The following SVOPL variants were observed in gnomAD, a reference collection of about 807,000 sequenced individuals.
SVOPL encodes SVOP like.
A neutral mutation model predicts 61.0 loss-of-function variants in SVOPL; 60 were observed. The ratio of observed to expected loss-of-function variants is 0.98; its 90% CI spans 0.80 to 1.22. The LOEUF is 1.22. Ranked by LOEUF, SVOPL falls within the 50% of genes most tolerant of loss-of-function variation. The pLI, the probability that SVOPL is intolerant of heterozygous loss-of-function variation, is 0.00. For missense variants in SVOPL, 662 were observed against 643.9 expected (o/e 1.03, Z -0.30); for synonymous variants, 279 against 250.0 (o/e 1.12, Z -1.09).
chr7:138,620,098 TTTC>T (rs1297560692), intron 14 of SVOPL, among the ~76,000 whole-genome samples: 1 of 150,230 alleles, frequency 6.7e-6, no homozygotes, highest in Non-Finnish European at 1.5e-5. Context: ...CTGTTTTTTT[TTTC>T]TTTTTTGTTT....
In SVOPL at chr7:138,609,489, C is replaced by CAAAA. The variant is rs35516590; in HGVS notation, c.1353+11553_1353+11556dup. On this transcript the variant is annotated intron_variant, in intron 14 of 15. Transcript: ENST00000674285. ...GCAACATGGCAAGACACCACCTCTA[C>CAAAA]AAAAAAAAAAAAAAAAAAAAATAGC... Among the ~76,000 whole-genome samples the CAAAA allele has an allele frequency of 3.2e-3, 156 of 48,286 alleles. 2 individuals are homozygous for CAAAA. The highest frequency in any genetic ancestry group is 0.011 in the African/African-American group (143 of 12,526). 31.7% of individuals were successfully genotyped at this position (48,286 alleles called of 152,430 possible). A position where few individuals can be genotyped will look rare whatever the true frequency, so the allele number is the denominator to read the frequency against.
intron 14 of SVOPL, among the ~76,000 whole-genome samples, chr7:138,608,750 T>C (rs1798866717): frequency 6.6e-6 from 1 of 152,102 alleles, no homozygotes; most frequent in African/African-American, 2.4e-5. Flanking sequence ...AAAAGAGGTG[T>C]GTGTTTTTTA....
chr7:138,609,623 C>T (rs1798905114), intron 14 of SVOPL, among the ~76,000 whole-genome samples: 2 of 151,756 alleles, frequency 1.3e-5, no homozygotes, highest in South Asian at 4.2e-4. Context: ...CGCACCACTG[C>T]CTGTCAGCCT....
rs144314968 is a variant in SVOPL at position 138,613,346 on chromosome 7, T to C, written c.1353+7700A>G. ...GAGTGATCTTTTTAAAAAACAAAACTGATCATATCCCTCACCTGCTTAAAA... is the reference window on the plus strand; with the variant it reads ...GAGTGATCTTTTTAAAAAACAAAACCGATCATATCCCTCACCTGCTTAAAA... On this transcript the variant is annotated intron_variant, in intron 14 of 15. Transcript: ENST00000674285. 8.3e-4 allele frequency among the ~76,000 whole-genome samples: 127 copies of C among 152,174 alleles called. 1 individual carries two copies. In the East Asian group the frequency reaches 0.024, roughly 28 times the overall value.
chr7:138,646,665 C>A (rs536969982), intron 8 of SVOPL, among the ~76,000 whole-genome samples: 19 of 152,122 alleles, frequency 1.2e-4, no homozygotes, highest in African/African-American at 4.3e-4. Flanking sequence ...ACCACAGGCA[C>A]GGACCACAAC....
intron 14 of SVOPL, among the ~76,000 whole-genome samples, chr7:138,604,574 A>G (rs1353674379): frequency 6.8e-6 from 1 of 145,998 alleles, no homozygotes; most frequent in Non-Finnish European, 1.5e-5. Flanking sequence ...GCTACTTGGG[A>G]GGCTGAGGCA....
chr7:138,654,489 T>C (rs2117046249), intron 7 of SVOPL, among the ~76,000 whole-genome samples: 1 of 145,850 alleles, frequency 6.9e-6, no homozygotes, highest in African/African-American at 2.5e-5. Context: ...ACAGCATGGT[T>C]TACTGAGTTT....
At chr7:138,659,092 C>A (rs1801882713) in intron 6 of SVOPL, among the ~76,000 whole-genome samples, 1 of 152,160 alleles carries the variant, frequency 6.6e-6, no homozygotes, top group African/African-American at 2.4e-5. Context: ...AAGCTGGCTA[C>A]CTGGAGGCTT....
At chr7:138,684,364 C>CA (rs34602180) in intron 1 of SVOPL, among the ~76,000 whole-genome samples, 2,293 of 112,352 alleles carry the variant, frequency 0.02, 43 homozygotes, top group African/African-American at 0.052. Flanking sequence ...GACTCCATCT[C>CA]AAAAAAAAAA....
At chr7:138,597,808 C>T (rs189859487) in intron 14 of SVOPL, among the ~76,000 whole-genome samples, 1 of 152,246 alleles carries the variant, frequency 6.6e-6, no homozygotes, top group Admixed American at 6.5e-5. Flanking sequence ...TATTACTGGA[C>T]ACCAGAATTC....
chr7:138,618,700 G>C (rs191828408), intron 14 of SVOPL, among the ~76,000 whole-genome samples: 11 of 138,596 alleles, frequency 7.9e-5, no homozygotes, highest in African/African-American at 2.6e-4. Flanking sequence ...GAGCACGCGT[G>C]CACACGCGCG....
chr7:138,628,893 C>A (rs1800023969), intron 10 of SVOPL, among the ~76,000 whole-genome samples: 1 of 152,048 alleles, frequency 6.6e-6, no homozygotes, highest in South Asian at 2.1e-4. Flanking sequence ...GGGCTGTTGG[C>A]CGAACATGGT....
intron 9 of SVOPL, among the ~76,000 whole-genome samples, chr7:138,640,683 T>G (rs1800739474): frequency 6.6e-6 from 1 of 152,176 alleles, no homozygotes; most frequent in African/African-American, 2.4e-5. Context: ...AAATACCATA[T>G]GTTCTCACCT....
At chr7:138,654,927 A>G (rs942108586) in intron 7 of SVOPL, among the ~76,000 whole-genome samples, 5 of 147,884 alleles carry the variant, frequency 3.4e-5, no homozygotes, top group Non-Finnish European at 7.4e-5. Context: ...ACAGTGGCTC[A>G]TGCCTGTAAT....
Position 138,678,589 on chromosome 7 carries a change from C to T in SVOPL, c.83-64G>A. ...AGGGAAGGGAATGCGTGTGGACTATCAGCTTCAGAAAGCCAACCCATTATT... is the reference window on the plus strand; with the variant it reads ...AGGGAAGGGAATGCGTGTGGACTATTAGCTTCAGAAAGCCAACCCATTATT... On this transcript the variant is annotated intron_variant, in intron 2 of 15. Transcript: ENST00000674285. The T allele has an allele frequency of 2.7e-6, 4 of 1,483,588 alleles. No homozygotes were observed. In the South Asian group the frequency reaches 5.0e-5, roughly 18 times the overall value. 91.9% of individuals were successfully genotyped at this position (1,483,588 alleles called of 1,614,324 possible). A position where few individuals can be genotyped will look rare whatever the true frequency, so the allele number is the denominator to read the frequency against.
chr7:138,665,549 G>A (rs1035831471), intron 4 of SVOPL, among the ~76,000 whole-genome samples: 2 of 152,060 alleles, frequency 1.3e-5, no homozygotes, highest in African/African-American at 4.8e-5. Context: ...GCCTCTGTAG[G>A]CACCTTAGGA....
At chr7:138,600,574 T>A (rs997198989) in intron 14 of SVOPL, among the ~76,000 whole-genome samples, 1 of 151,192 alleles carries the variant, frequency 6.6e-6, no homozygotes, top group Non-Finnish European at 1.5e-5. Flanking sequence ...TGCATTCCAG[T>A]CTCGGTGACA....
chr7:138,679,009 T>C lies in SVOPL; in HGVS notation c.37A>G (p.Ser13Gly). The C allele has an allele frequency of 6.4e-7, 1 of 1,551,668 alleles. No individual in the cohort carries two copies. Among genetic ancestry groups the C allele is most frequent in the Non-Finnish European group, 8.7e-7 (1 of 1,146,974 alleles). The change falls in exon 2 of 16, where the codon AGC becomes GGC. Residue 13 changes from serine (S) to glycine (G), a missense_variant. Ser to Gly is a moderately conservative substitution (Grantham distance 56). Transcript: ENST00000674285. ...TKPTEPVTIL[S>G]LRKLSLGTAE... ...GTCCCCAGGCTCAATTTCCGAAGGC[T>C]GAGGATCGTGACAGGCTCTGTTGGC...
intron 4 of SVOPL, chr7:138,664,096 C>T (rs1802138223): frequency 1.7e-6 from 1 of 573,278 alleles, no homozygotes; most frequent in African/African-American, 2.0e-5. Context: ...AGAAACCTGT[C>T]CGCTCGCTGG....
Sources: gnomAD v4.1 joint callset for allele counts (sites outside exome capture counted in the v4.1 genomes callset) on GRCh38, gnomAD v4.1.1 for gene constraint, MANE v1.5 for transcripts, NCBI Gene and HGNC (gene_info 2026-07-23, HGNC 2026-07-21) for gene names.